The following ERI1 variants were observed in gnomAD, a reference collection of about 807,000 sequenced individuals.
ERI1 encodes the protein exoribonuclease 1, also known as 3'-5' exoribonuclease 1.
ERI1 carries 39 observed loss-of-function variants against 39.7 expected under a neutral mutation model. That is an observed-to-expected ratio of 0.98 (90% CI 0.76 to 1.28). The LOEUF is 1.28. ERI1 is among the 50% of genes most tolerant of loss of function. The pLI is 0.00. For missense variants in ERI1, 581 were observed against 416.9 expected, an observed-to-expected ratio of 1.39 and a Z score of -3.43; for synonymous variants, 204 against 149.6, an observed-to-expected ratio of 1.36 and a Z score of -2.65.
chr8:9,060,951 C>T (rs184362451), intron 3 of ERI1, among the ~76,000 whole-genome samples: 72 of 152,328 alleles, frequency 4.7e-4, no homozygotes, highest in African/African-American at 1.7e-3. Flanking sequence ...GAGGAAACCT[C>T]TTTCAGCCTG....
chr8:9,007,734 C>G (rs988370645), intron 1 of ERI1, among the ~76,000 whole-genome samples: 2 of 152,040 alleles, frequency 1.3e-5, no homozygotes, highest in East Asian at 3.9e-4. Context: ...TTTTACTTAG[C>G]TTTGTTTCCT....
rs987468051 is a variant in ERI1, at chr8:9,018,515, G to C, written c.692+109G>C. The C allele has an allele frequency of 9.4e-5, 59 of 629,418 alleles. 1 individual carries two copies. The highest frequency in any genetic ancestry group is 5.4e-6 in the Non-Finnish European group (2 of 368,074). The allele number at this position is 629,418 out of a possible 1,614,324, so 39.0% of individuals were successfully genotyped here. A position where few individuals can be genotyped will look rare whatever the true frequency, so the allele number is the denominator to read the frequency against. On this transcript the variant is annotated intron_variant, in intron 5 of 6. Transcript: ENST00000250263. ...ACAAACTATTATTAGAGACCCTAGAGTCTCACCCCACAGGGAATAGTATTT... is the reference window on the plus strand; with the variant it reads ...ACAAACTATTATTAGAGACCCTAGACTCTCACCCCACAGGGAATAGTATTT...
At chr8:9,024,482 G>A (rs1818264592) in intron 6 of ERI1, among the ~76,000 whole-genome samples, 1 of 151,726 alleles carries the variant, frequency 6.6e-6, no homozygotes, top group African/African-American at 2.4e-5. Flanking sequence ...GTGCAGTGGT[G>A]GGGTCTCAGT....
At chr8:9,047,686 G>A (rs969208629) in intron 3 of ERI1, among the ~76,000 whole-genome samples, 3 of 151,740 alleles carry the variant, frequency 2.0e-5, no homozygotes, top group Admixed American at 1.3e-4. Flanking sequence ...GCAACAGAGA[G>A]AGACCCTGTC....
intron 3 of ERI1, among the ~76,000 whole-genome samples, chr8:9,041,424 C>T (rs1488088109): frequency 6.6e-6 from 1 of 152,094 alleles, no homozygotes; most frequent in Non-Finnish European, 1.5e-5. Context: ...CCAGGGTTGA[C>T]CATAGGTTAG....
At chr8:9,037,678 C>G (rs1039550815), downstream of ERI1, among the ~76,000 whole-genome samples, 2 of 152,112 alleles carry the variant, frequency 1.3e-5, no homozygotes, top group African/African-American at 4.8e-5. Context: ...TAAGTCCTGA[C>G]TGCCGTGATG....
rs1241956836 is a variant in ERI1 at position 9,004,144 on chromosome 8, T to C, written c.108+973T>C. The C allele has an allele frequency of 3.9e-6, 5 of 1,289,254 alleles. No individual in the cohort carries two copies. The South Asian group carries it at 4.9e-5, about 13-fold the overall frequency. 79.9% of individuals were successfully genotyped at this position (1,289,254 alleles called of 1,614,324 possible). A position where few individuals can be genotyped will look rare whatever the true frequency, so the allele number is the denominator to read the frequency against. Reference sequence around the variant, plus strand: ...GTTAAGGATCTCTGTATGTTCCTTTTGCCCTGTGTGCACTTCCTTTGGATC... The same window carrying C: ...GTTAAGGATCTCTGTATGTTCCTTTCGCCCTGTGTGCACTTCCTTTGGATC... On this transcript the variant is annotated intron_variant, in intron 1 of 6. Coordinates refer to ENST00000250263, the MANE Select transcript of ERI1 (RefSeq NM_153332.4).
chr8:9,072,223 C>A (rs1799075155), intron 3 of ERI1, among the ~76,000 whole-genome samples: 1 of 152,150 alleles, frequency 6.6e-6, no homozygotes, highest in Non-Finnish European at 1.5e-5. Flanking sequence ...TACCTCATAG[C>A]CCTGTGAGGT....
rs1045835878 is a variant in ERI1 at position 9,032,891 on chromosome 8, T to C, written c.*2857T>C. The C allele has an allele frequency of 1.3e-5, 2 of 152,192 alleles. No individual in the cohort carries two copies. The highest frequency in any genetic ancestry group is 4.8e-5 in the African/African-American group (2 of 41,434). 9.4% of individuals were successfully genotyped at this position (152,192 alleles called of 1,614,324 possible). ...GTGCATTGTCAAAGTCTGAGAAGGA[T>C]GTATTGTACTTTGAAGGAAGACTTT... On this transcript the variant is annotated 3_prime_UTR_variant, in exon 7 of 7. Transcript: ENST00000250263.
rs1233024078 is a variant in ERI1, at chr8:9,030,961, A to G, written c.*927A>G. The G allele has an allele frequency of 6.6e-6, 1 of 152,228 alleles. No homozygotes were observed. The highest frequency in any genetic ancestry group is 1.9e-4 in the East Asian group (1 of 5,208). 9.4% of individuals were successfully genotyped at this position (152,228 alleles called of 1,614,324 possible). A position where few individuals can be genotyped will look rare whatever the true frequency, so the allele number is the denominator to read the frequency against. The stretch of plus-strand genomic sequence containing the variant: ...TTGGCCACTAGTGAAGTTAGTCAAT[A>G]AAAGACTTGTTTTTCTGATTTTACA... On this transcript the variant is annotated 3_prime_UTR_variant, in exon 7 of 7. Coordinates refer to ENST00000250263, the MANE Select transcript of ERI1 (RefSeq NM_153332.4).
chr8:9,052,308 C>T (rs1440810822), intron 3 of ERI1, among the ~76,000 whole-genome samples: 5 of 151,838 alleles, frequency 3.3e-5, no homozygotes, highest in African/African-American at 1.2e-4. Context: ...ATGGAAAGGA[C>T]TAGATATACT....
chr8:9,014,093 A>C (rs1012064877), intron 3 of ERI1, among the ~76,000 whole-genome samples: 3 of 152,208 alleles, frequency 2.0e-5, no homozygotes, highest in Admixed American at 6.5e-5. Flanking sequence ...CTCAGAGTAC[A>C]ACCAATATTC....
At chr8:9,019,823 C>T (rs1386415515) in intron 5 of ERI1, among the ~76,000 whole-genome samples, 1 of 152,128 alleles carries the variant, frequency 6.6e-6, no homozygotes, top group Non-Finnish European at 1.5e-5. Flanking sequence ...ATTATTCTGA[C>T]TCTCCTTGCC....
chr8:9,041,614 G>T (rs1326595785), intron 3 of ERI1, among the ~76,000 whole-genome samples: 1 of 152,194 alleles, frequency 6.6e-6, no homozygotes, highest in African/African-American at 2.4e-5. Flanking sequence ...TTAAGAATGA[G>T]ATTTAAAACT....
chr8:9,051,641 C>A (rs562359250), intron 3 of ERI1, among the ~76,000 whole-genome samples: 1 of 147,498 alleles, frequency 6.8e-6, no homozygotes, highest in East Asian at 1.9e-4. Context: ...TGGGTGACAG[C>A]GCTGAGACCC....
intron 3 of ERI1, among the ~76,000 whole-genome samples, chr8:9,088,168 C>A (rs190667941): frequency 2.4e-4 from 37 of 152,086 alleles, no homozygotes; most frequent in African/African-American, 7.7e-4. Context: ...GGCCTTCTAA[C>A]CCCGAAGAAA....
chr8:9,069,564 T>A (rs1389547658), intron 3 of ERI1, among the ~76,000 whole-genome samples: 1 of 152,292 alleles, frequency 6.6e-6, no homozygotes, highest in East Asian at 1.9e-4. Context: ...GAATGATTTC[T>A]TTTGCTCAAG....
chr8:9,021,294 C>T (rs977960646), intron 6 of ERI1, among the ~76,000 whole-genome samples: 2 of 152,148 alleles, frequency 1.3e-5, no homozygotes, highest in African/African-American at 2.4e-5. Context: ...ATCTGTTTTT[C>T]CCTTGCAGAC....
At chr8:9,034,656 A>G (rs1200563569), downstream of ERI1, among the ~76,000 whole-genome samples, 1 of 152,202 alleles carries the variant, frequency 6.6e-6, no homozygotes, top group African/African-American at 2.4e-5. Context: ...CTATTCCCTG[A>G]GACACAATAT....
Sources: gnomAD v4.1 joint callset for allele counts (sites outside exome capture counted in the v4.1 genomes callset) on GRCh38, gnomAD v4.1.1 for gene constraint, MANE v1.5 for transcripts, NCBI Gene and HGNC (gene_info 2026-07-23, HGNC 2026-07-21) for gene names.